Variants in ACYP2 observed in about 807,000 individuals in gnomAD.
ACYP2 encodes acylphosphatase 2, also known as acylphosphatase-2.
ACYP2 carries 12 observed loss-of-function variants against 11.2 expected under a neutral mutation model. The ratio of observed to expected loss-of-function variants is 1.08; its 90% CI spans 0.69 to 1.74. The LOEUF (loss-of-function observed/expected upper bound fraction) is 1.74. ACYP2 is among the 40% of genes most tolerant of loss of function. The probability of loss-of-function intolerance (pLI) is 0.00; values close to 1 mark genes in which losing one functional copy is unlikely to be tolerated. For missense variants in ACYP2, 134 were observed against 101.9 expected, an observed-to-expected ratio of 1.31 and a Z score of -1.35; for synonymous variants, 43 against 32.2, an observed-to-expected ratio of 1.33 and a Z score of -1.13.
chr2:54,037,791 A>G (rs1401669592), intron 2 of ACYP2, among the ~76,000 whole-genome samples: 1 of 152,208 alleles, frequency 6.6e-6, no homozygotes, highest in African/African-American at 2.4e-5. Flanking sequence ...AACAAATGAA[A>G]TGTAAGACTT....
At chr2:54,020,671 G>A (rs993851798) in intron 2 of ACYP2, among the ~76,000 whole-genome samples, 45 of 152,262 alleles carry the variant, frequency 3.0e-4, no homozygotes, top group African/African-American at 8.9e-4. Context: ...TTAGTTGTGC[G>A]AGAATCCATA....
Position 54,276,607 on chromosome 2 carries a change from C to T in ACYP2, c.405-28081C>T, listed in dbSNP as rs1317794285. Reference sequence around the variant, plus strand: ...CACATTTCATCTTTTTCTTTGGGTTCAGATTGTTCTTTCACACACACACAC... The same window carrying T: ...CACATTTCATCTTTTTCTTTGGGTTTAGATTGTTCTTTCACACACACACAC... On this transcript the variant is annotated intron_variant, in intron 6 of 6. Coordinates refer to ENST00000607452, the MANE Select transcript of ACYP2 (RefSeq NM_001320586.2). 2.1e-5 allele frequency among the ~76,000 whole-genome samples: 3 copies of T among 141,214 alleles called. 1 individual carries two copies. Among genetic ancestry groups the T allele is most frequent in the African/African-American group, 8.2e-5 (3 of 36,740 alleles). The allele number at this position is 141,214 out of a possible 152,430, so 92.6% of individuals were successfully genotyped here. A position where few individuals can be genotyped will look rare whatever the true frequency, so the allele number is the denominator to read the frequency against.
chr2:54,220,224 A>G lies in ACYP2; in HGVS notation c.404+81476A>G, dbSNP rs1161973796. On this transcript the variant is annotated intron_variant, in intron 6 of 6. Transcript: ENST00000607452. Reference sequence around the variant, plus strand: ...TCTTTGCTTCTGTTATCATTACAGCATATTTTAAATATTGTATCAGCATAT... The same window carrying G: ...TCTTTGCTTCTGTTATCATTACAGCGTATTTTAAATATTGTATCAGCATAT... Among the ~76,000 whole-genome samples, 10 of 152,142 alleles carry G rather than the reference A, an allele frequency of 6.6e-5. No homozygotes were observed. The East Asian group carries it at 1.9e-3, about 29-fold the overall frequency.
At chr2:54,021,720 C>T (rs1321179587) in intron 2 of ACYP2, among the ~76,000 whole-genome samples, 1 of 152,184 alleles carries the variant, frequency 6.6e-6, no homozygotes, top group Admixed American at 6.6e-5. Flanking sequence ...CGAATGTCCA[C>T]ATAATCCAAA....
chr2:54,037,778 T>C (rs1016634203), intron 2 of ACYP2, among the ~76,000 whole-genome samples: 1 of 152,180 alleles, frequency 6.6e-6, no homozygotes, highest in Non-Finnish European at 1.5e-5. Flanking sequence ...AGAGTGCTTT[T>C]GAAACAAATG....
In ACYP2 at chr2:54,265,076, A is replaced by G. The variant is rs1438614423; in HGVS notation, c.405-39612A>G. Among the ~76,000 whole-genome samples, 10 of 152,336 alleles carry G rather than the reference A, an allele frequency of 6.6e-5. No homozygotes were observed. In the South Asian group the frequency reaches 1.9e-3, roughly 28 times the overall value. ...GCTATTTGATTGTACTATGCTTTCT[A>G]TGTATGTAGGAAAATTTGTATAATA... On this transcript the variant is annotated intron_variant, in intron 6 of 6. Transcript: ENST00000607452.
intron 6 of ACYP2, among the ~76,000 whole-genome samples, chr2:54,280,921 A>G (rs1156838388): frequency 2.0e-5 from 3 of 152,174 alleles, no homozygotes; most frequent in Non-Finnish European, 4.4e-5. Context: ...TTTGAAGAGA[A>G]TCTACCAGGT....
rs189242944 is a variant in ACYP2, at chr2:54,124,421, C to G, written c.278-11032C>G. On this transcript the variant is annotated intron_variant, in intron 4 of 6. Transcript: ENST00000607452. The stretch of plus-strand genomic sequence containing the variant: ...ATGTTGGTCAGGCTGGTCTTGAACT[C>G]CCGATCTCAGGTGATCCACCCTCCT... Among the ~76,000 whole-genome samples the G allele has an allele frequency of 2.4e-3, 371 of 152,206 alleles. 3 individuals carry two copies. Among genetic ancestry groups the G allele is most frequent in the Middle Eastern group, 0.024 (7 of 294 alleles).
At chr2:54,272,742 A>G (rs1000621371) in intron 6 of ACYP2, among the ~76,000 whole-genome samples, 1 of 152,252 alleles carries the variant, frequency 6.6e-6, no homozygotes, top group Non-Finnish European at 1.5e-5. Flanking sequence ...TGAGTTGCTT[A>G]TATTGCTTTG....
At chr2:54,267,211 A>G in intron 6 of ACYP2, 2 of 1,455,476 alleles carry the variant, frequency 1.4e-6, no homozygotes, top group African/African-American at 1.4e-5. Flanking sequence ...TTAGGGGCCT[A>G]TAAAAGTGCC....
At chr2:54,025,233 C>G (rs537714205) in intron 2 of ACYP2, among the ~76,000 whole-genome samples, 3 of 151,992 alleles carry the variant, frequency 2.0e-5, no homozygotes, top group Non-Finnish European at 4.4e-5. Flanking sequence ...AAAAATGATC[C>G]TAAAATTCAT....
At chr2:54,231,877 T>TG (rs1299396722) in intron 6 of ACYP2, among the ~76,000 whole-genome samples, 1 of 152,214 alleles carries the variant, frequency 6.6e-6, no homozygotes, top group Non-Finnish European at 1.5e-5. Flanking sequence ...TATCGGGCGC[T>TG]GTACTAAGTG....
intron 6 of ACYP2, among the ~76,000 whole-genome samples, chr2:54,165,535 T>TCTCACA (rs1553383671): frequency 2.2e-4 from 28 of 128,956 alleles, no homozygotes; most frequent in African/African-American, 4.2e-4. Flanking sequence ...TCTCTCTCTC[T>TCTCACA]CACACACACA....
At chr2:54,125,610 G>A (rs1336418416) in intron 4 of ACYP2, among the ~76,000 whole-genome samples, 1 of 151,788 alleles carries the variant, frequency 6.6e-6, no homozygotes, top group African/African-American at 2.4e-5. Flanking sequence ...CTTAGCTGGA[G>A]ATGGTGGCAG....
At chr2:54,045,434 G>A (rs1439490127) in intron 2 of ACYP2, among the ~76,000 whole-genome samples, 1 of 152,162 alleles carries the variant, frequency 6.6e-6, no homozygotes, top group African/African-American at 2.4e-5. Context: ...TTATAACAGT[G>A]TTTTGTTTTT....
chr2:54,263,635 T>G (rs147829349), intron 6 of ACYP2, among the ~76,000 whole-genome samples: 177 of 152,274 alleles, frequency 1.2e-3, no homozygotes, highest in African/African-American at 4.1e-3. Flanking sequence ...AAAAAAAGCT[T>G]TGGGTTGTCC....
intron 6 of ACYP2, among the ~76,000 whole-genome samples, chr2:54,235,041 T>G (rs1032401246): frequency 2.6e-5 from 4 of 152,116 alleles, no homozygotes; most frequent in Non-Finnish European, 4.4e-5. Context: ...TATGCATAGG[T>G]TTTTCAAAAT....
intron 2 of ACYP2, chr2:53,975,286 C>G: frequency 2.5e-6 from 1 of 397,332 alleles, no homozygotes; most frequent in Non-Finnish European, 4.4e-6. Flanking sequence ...TAGAAACAAA[C>G]ATCTGAACTG....
At chr2:54,002,174 C>G (rs987815494) in intron 2 of ACYP2, among the ~76,000 whole-genome samples, 1 of 152,194 alleles carries the variant, frequency 6.6e-6, no homozygotes, top group African/African-American at 2.4e-5. Flanking sequence ...TTCCTACTCT[C>G]CCTTAACACC....
Sources: gnomAD v4.1 joint callset for allele counts (sites outside exome capture counted in the v4.1 genomes callset) on GRCh38, gnomAD v4.1.1 for gene constraint, MANE v1.5 for transcripts, NCBI Gene and HGNC (gene_info 2026-07-23, HGNC 2026-07-21) for gene names.